Variants in TRIM8 observed in about 807,000 individuals in gnomAD.
The protein encoded by TRIM8 is tripartite motif containing 8.
In TRIM8, 9 loss-of-function variants were observed where a neutral mutation model predicts 55.7. The ratio of observed to expected loss-of-function variants is 0.16; its 90% CI spans 0.10 to 0.28. The LOEUF (loss-of-function observed/expected upper bound fraction) is 0.28, where lower values mean the gene tolerates loss of function less well. Among genes scored for constraint, TRIM8 ranks in the 10% least tolerant of loss-of-function variants. The pLI is 1.00. For synonymous variants in TRIM8, 335 were observed against 333.3 expected (o/e 1.01, Z -0.06); for missense variants, 556 against 736.4 (o/e 0.76, Z 2.83).
At position 102,656,046 on chromosome 10, in the gene TRIM8, TC is replaced by T; in HGVS notation, c.901-56del. ...GGGGGGCAGCTTTTGTCTTCCCCTCTCCCCGGGCTCTCCCTGGACTGCCTTT... is the reference window on the plus strand; with the variant it reads ...GGGGGGCAGCTTTTGTCTTCCCCTCTCCCGGGCTCTCCCTGGACTGCCTTT... On this transcript the variant is annotated intron_variant, in intron 3 of 5. Coordinates refer to ENST00000643721, the MANE Select transcript of TRIM8 (RefSeq NM_030912.3). The surrounding 1 kb of genome is among the most constrained non-coding windows in gnomAD (Gnocchi z 4.6). The T allele has an allele frequency of 6.3e-7, 1 of 1,591,500 alleles. No individual in the cohort carries two copies. The highest frequency in any genetic ancestry group is 8.5e-7 in the Non-Finnish European group (1 of 1,172,012).
Position 102,656,621 on chromosome 10 carries a change from G to A in TRIM8, c.1049-126G>A. 1.4e-6 allele frequency: 2 copies of A among 1,424,184 alleles called. No homozygotes were observed. The highest frequency in any genetic ancestry group is 2.3e-5 in the East Asian group (1 of 43,030). The allele number at this position is 1,424,184 out of a possible 1,614,324, so 88.2% of individuals were successfully genotyped here. ...GTACCTCCTAATGGTAGAGGAGCAA[G>A]CATCACCTGAGATGTAACATTCTTG... On this transcript the variant is annotated intron_variant, in intron 5 of 5. Transcript: ENST00000643721. The surrounding 1 kb of genome is among the most constrained non-coding windows in gnomAD (Gnocchi z 4.6).
chr10:102,646,275 C>T (rs915206990), intron 1 of TRIM8, among the ~76,000 whole-genome samples: 17 of 152,178 alleles, frequency 1.1e-4, no homozygotes, highest in African/African-American at 3.9e-4. Flanking sequence ...GGAGTCCTCT[C>T]TGAAGCCCCA....
chr10:102,649,912 A>T (rs1230284689), intron 1 of TRIM8, among the ~76,000 whole-genome samples: 1 of 150,704 alleles, frequency 6.6e-6, no homozygotes, highest in Non-Finnish European at 1.5e-5. Context: ...GACCAGGGGG[A>T]GGAGTAGGGG....
In TRIM8 at chr10:102,656,715, G is replaced by A. The variant is rs115169936; in HGVS notation, c.1049-32G>A. ...GAGGCCTGGGTTGCTTGGGGTGGGA[G>A]CTTTGGCGACTTTTGCCCCAACTCT... On this transcript the variant is annotated intron_variant, in intron 5 of 5. Transcript: ENST00000643721. The surrounding 1 kb of genome is among the most constrained non-coding windows in gnomAD (Gnocchi z 4.6). 1.8e-3 allele frequency: 2,683 copies of A among 1,506,868 alleles called. 40 individuals are homozygous for A. The African/African-American group carries it at 0.033, about 19-fold the overall frequency. 93.3% of individuals were successfully genotyped at this position (1,506,868 alleles called of 1,614,324 possible).
At position 102,655,910 on chromosome 10, in the gene TRIM8, C is replaced by T. The variant is rs533918156; in HGVS notation, c.901-196C>T. Among the ~76,000 whole-genome samples the T allele has an allele frequency of 2.0e-5, 3 of 152,314 alleles. No homozygotes were observed. In the East Asian group the frequency reaches 5.8e-4, roughly 29 times the overall value. On this transcript the variant is annotated intron_variant, in intron 3 of 5. Coordinates refer to ENST00000643721, the MANE Select transcript of TRIM8 (RefSeq NM_030912.3). ...CAGAAAGCACTTACAATGCCTGGGT[C>T]ACGTGGCAAGAGCTCAGTAAATGTT...
rs753033193 is a variant in TRIM8, at chr10:102,645,196, C to G, written c.570+9C>G. On this transcript the variant is annotated intron_variant, in intron 1 of 5. Transcript: ENST00000643721. ...GAAGGAATGAAATCCGGGCAAGTAC[C>G]CTACGCGCGCGCGCGCACACACACA... 1.3e-6 allele frequency: 2 copies of G among 1,526,356 alleles called. No individual in the cohort carries two copies. The highest frequency in any genetic ancestry group is 2.0e-5 in the Admixed American group (1 of 50,534). 94.6% of individuals were successfully genotyped at this position (1,526,356 alleles called of 1,614,324 possible). A position where few individuals can be genotyped will look rare whatever the true frequency, so the allele number is the denominator to read the frequency against.
At chr10:102,655,535 G>A (rs903722881) in intron 3 of TRIM8, among the ~76,000 whole-genome samples, 1 of 152,180 alleles carries the variant, frequency 6.6e-6, no homozygotes, top group African/African-American at 2.4e-5. Context: ...GATGATACAG[G>A]TCTACTATTC....
At chr10:102,645,388 C>T (rs548027340) in intron 1 of TRIM8, 2 of 543,182 alleles carry the variant, frequency 3.7e-6, no homozygotes, top group Non-Finnish European at 6.3e-6. Context: ...TACATTCTCG[C>T]ACCTGTGCGC....
chr10:102,645,423 T>G, intron 1 of TRIM8: 2 of 467,506 alleles, frequency 4.3e-6, no homozygotes. Context: ...CTGAGTGCTT[T>G]ATGGGATTGG....
In TRIM8 at chr10:102,647,319, G is replaced by A. The variant is rs549351997; in HGVS notation, c.570+2132G>A. ...GGCTCAGAAGTAGTGGGTTGCATCA[G>A]GGCCAGATGTGCAATTCTGTGCGTT... is the stretch of plus-strand genomic sequence containing the variant. On this transcript the variant is annotated intron_variant, in intron 1 of 5. Coordinates refer to ENST00000643721, the MANE Select transcript of TRIM8 (RefSeq NM_030912.3). Among the ~76,000 whole-genome samples the A allele has an allele frequency of 4.6e-5, 7 of 152,316 alleles. No individual in the cohort carries two copies. The South Asian group carries it at 1.2e-3, about 27-fold the overall frequency.
chr10:102,657,213 G>C lies in TRIM8; in HGVS notation c.1515G>C (p.Pro505=). 1 of 1,613,780 alleles carries C rather than the reference G, an allele frequency of 6.2e-7. No individual in the cohort carries two copies. The highest frequency in any genetic ancestry group is 1.7e-5 in the Admixed American group (1 of 60,004). The change falls in exon 6 of 6, where the codon CCG becomes CCC. Residue 505 remains proline (P), a synonymous_variant. Transcript: ENST00000643721. ...TGCCCTCGCAGGAGTACTCACACCC[G>C]CTCCCGCCCACACCCTCCGTCCCCC... is the stretch of plus-strand genomic sequence containing the variant. ...WTVPSQEYSH[P]LPPTPSVPQS... is the part of the protein sequence containing the mutation.
intron 1 of TRIM8, 138 bp from the exon 2 acceptor site, chr10:102,654,515 G>C: frequency 1.4e-6 from 1 of 727,660 alleles, no homozygotes; most frequent in South Asian, 1.6e-5. Flanking sequence ...GATTGGAGGG[G>C]GCCAAAGGGG....
At chr10:102,650,219 C>T (rs936205677) in intron 1 of TRIM8, among the ~76,000 whole-genome samples, 1 of 152,172 alleles carries the variant, frequency 6.6e-6, no homozygotes, top group Non-Finnish European at 1.5e-5. Flanking sequence ...CCCGTCTGCC[C>T]AGTCTAGTCT....
At chr10:102,653,169 A>G (rs2063998221) in intron 1 of TRIM8, among the ~76,000 whole-genome samples, 1 of 152,202 alleles carries the variant, frequency 6.6e-6, no homozygotes, top group Non-Finnish European at 1.5e-5. Flanking sequence ...ATTGGACAGC[A>G]CAACCTGAGA....
Position 102,645,125 on chromosome 10 carries a change from T to C in TRIM8, c.508T>C (p.Tyr170His). ...GGCCGTGTGCCAGTACTGCTGCTAC[T>C]ACAGCGGCGCGCATCAGGGACACTC... is the stretch of plus-strand genomic sequence containing the variant. ...QVAVCQYCCY[Y>H]SGAHQGHSVC... Residue 170 changes from tyrosine to histidine, a missense_variant, in exon 1 of 6, where the codon TAC (tyrosine) becomes CAC (histidine). Tyr to His is a moderately conservative substitution (Grantham distance 83, BLOSUM62 2). Transcript: ENST00000643721. 1 of 1,586,700 alleles carries C rather than the reference T, an allele frequency of 6.3e-7. No homozygotes were observed.
chr10:102,656,071 T>C lies in TRIM8; in HGVS notation c.901-35T>C. 3 of 1,614,052 alleles carry C rather than the reference T, an allele frequency of 1.9e-6. No homozygotes were observed. Among genetic ancestry groups the C allele is most frequent in the Non-Finnish European group, 2.5e-6 (3 of 1,179,970 alleles). ...TCCCCGGGCTCTCCCTGGACTGCCT[T>C]TTCCACTGACTTGACTCTTTTCTCT... On this transcript the variant is annotated intron_variant, in intron 3 of 5. Coordinates refer to ENST00000643721, the MANE Select transcript of TRIM8 (RefSeq NM_030912.3). The surrounding 1 kb of genome is among the most constrained non-coding windows in gnomAD (Gnocchi z 4.6).
chr10:102,648,110 G>T (rs1320083592), intron 1 of TRIM8, among the ~76,000 whole-genome samples: 1 of 152,158 alleles, frequency 6.6e-6, no homozygotes, highest in Admixed American at 6.5e-5. Flanking sequence ...GATCCTAAAT[G>T]TGCTCTCCCA....
In TRIM8 at chr10:102,656,190, G is replaced by T. The variant is rs1023051907; in HGVS notation, c.932+53G>T. ...GGGCACATCCTGGGGAGGGCAGGGG[G>T]GCCAGGCCCATGGCGGGGAGGTAGG... On this transcript the variant is annotated intron_variant, in intron 4 of 5. Transcript: ENST00000643721. The surrounding 1 kb of genome is among the most constrained non-coding windows in gnomAD (Gnocchi z 4.6). The T allele has an allele frequency of 9.3e-6, 15 of 1,614,030 alleles. No homozygotes were observed. The highest frequency in any genetic ancestry group is 1.1e-5 in the Non-Finnish European group (13 of 1,180,026).
At chr10:102,650,776 C>T (rs1266377370) in intron 1 of TRIM8, among the ~76,000 whole-genome samples, 1 of 152,116 alleles carries the variant, frequency 6.6e-6, no homozygotes, top group Non-Finnish European at 1.5e-5. Flanking sequence ...TTAGCCATTC[C>T]CTGGGGAGGC....
Sources: allele counts gnomAD v4.1 joint callset (sites outside exome capture counted in the v4.1 genomes callset), GRCh38; gene constraint gnomAD v4.1.1; non-coding constraint Gnocchi (gnomAD v3.1); transcripts MANE v1.5; gene names NCBI Gene and HGNC (gene_info 2026-07-23, HGNC 2026-07-21).